The following CTIF variants were observed in gnomAD, a reference collection of about 807,000 sequenced individuals.
The protein encoded by CTIF is cap binding complex dependent translation initiation factor.
A neutral mutation model predicts 66.0 loss-of-function variants in CTIF; 21 were observed. The observed-to-expected ratio is 0.32, with a 90% CI of 0.23 to 0.46. CTIF has a LOEUF of 0.46. Ranked by LOEUF, CTIF falls within the 20% of genes least tolerant of loss-of-function variation. The probability of loss-of-function intolerance (pLI) is 1.00; values close to 1 mark genes in which losing one functional copy is unlikely to be tolerated. For synonymous variants in CTIF, 345 were observed against 326.4 expected, an observed-to-expected ratio of 1.06 and a Z score of -0.62; for missense variants, 739 against 812.7, an observed-to-expected ratio of 0.91 and a Z score of 1.10.
At chr18:48,650,680 A>G (rs2091139325) in intron 3 of CTIF, among the ~76,000 whole-genome samples, 1 of 152,324 alleles carries the variant, frequency 6.6e-6, no homozygotes, top group African/African-American at 2.4e-5. Flanking sequence ...TGTCAGATTC[A>G]CCAAGGTTGA....
At chr18:48,596,046 C>T (rs936154650) in intron 1 of CTIF, among the ~76,000 whole-genome samples, 5 of 152,128 alleles carry the variant, frequency 3.3e-5, no homozygotes, top group African/African-American at 1.2e-4. Context: ...CTTTGTCATA[C>T]TCTATTTGTT....
At chr18:48,794,760 G>T (rs999474702) in intron 9 of CTIF, among the ~76,000 whole-genome samples, 8 of 152,184 alleles carry the variant, frequency 5.3e-5, no homozygotes, top group African/African-American at 1.9e-4. Flanking sequence ...AACTCTGGAG[G>T]TTTTCCTGAT....
At position 48,743,858 on chromosome 18, in the gene CTIF, A is replaced by G. The variant is rs557586683; in HGVS notation, c.585-14061A>G. ...AGGAATTCTCAAATCCCAAAGAGTC[A>G]AGCAAGATTCAGCTGTGGCAGCCCT... On this transcript the variant is annotated intron_variant, in intron 7 of 11. Coordinates refer to ENST00000256413, the MANE Select transcript of CTIF (RefSeq NM_014772.3). Among the ~76,000 whole-genome samples, 26 of 152,362 alleles carry G rather than the reference A, an allele frequency of 1.7e-4. 1 individual carries two copies. In the South Asian group the frequency reaches 4.3e-3, roughly 25 times the overall value.
rs760789082 is a variant in CTIF, at chr18:48,759,020, G to A, written c.1071+615G>A. On this transcript the variant is annotated intron_variant, in intron 8 of 11. Transcript: ENST00000256413. ...TGCCTACCTGTGCCAGCATGAACCC[G>A]AGAGTGAGGCCTCCTTACTTTTGCT... Among the ~76,000 whole-genome samples the A allele has an allele frequency of 7.9e-5, 12 of 152,138 alleles. No individual in the cohort carries two copies. In the East Asian group the frequency reaches 9.7e-4, roughly 12 times the overall value.
At chr18:48,620,272 C>A (rs1258881035) in intron 2 of CTIF, among the ~76,000 whole-genome samples, 1 of 152,178 alleles carries the variant, frequency 6.6e-6, no homozygotes, top group Non-Finnish European at 1.5e-5. Context: ...GCAATCCAAC[C>A]AGCGTCATGT....
At chr18:48,704,802 C>T (rs938236765) in intron 6 of CTIF, among the ~76,000 whole-genome samples, 12 of 152,218 alleles carry the variant, frequency 7.9e-5, no homozygotes, top group Non-Finnish European at 1.2e-4. Flanking sequence ...TCAGAGGAAC[C>T]AGGGGTTAAG....
intron 1 of CTIF, among the ~76,000 whole-genome samples, chr18:48,540,855 C>T (rs2088596179): frequency 6.6e-6 from 1 of 151,998 alleles, no homozygotes; most frequent in African/African-American, 2.4e-5. Flanking sequence ...CGCGCGCGCG[C>T]GCCCGAGTTA....
intron 2 of CTIF, among the ~76,000 whole-genome samples, chr18:48,630,909 A>G (rs12454391): frequency 3.3e-5 from 5 of 151,558 alleles, no homozygotes; most frequent in Non-Finnish European, 7.4e-5. Context: ...GATCTCCTGA[A>G]CTCGTGATCC....
intron 2 of CTIF, among the ~76,000 whole-genome samples, chr18:48,635,651 T>G (rs2144617278): frequency 6.6e-6 from 1 of 152,216 alleles, no homozygotes; most frequent in South Asian, 2.1e-4. Context: ...ATGCAGGGTG[T>G]AGGTTAAGGT....
chr18:48,631,788 A>G (rs553229112), intron 2 of CTIF, among the ~76,000 whole-genome samples: 26 of 152,176 alleles, frequency 1.7e-4, no homozygotes, highest in South Asian at 1.5e-3. Context: ...TTTCTGTTTG[A>G]TGACCTTTTC....
intron 1 of CTIF, among the ~76,000 whole-genome samples, chr18:48,582,885 G>A (rs1241475585): frequency 2.6e-5 from 4 of 152,196 alleles, no homozygotes; most frequent in Non-Finnish European, 4.4e-5. Flanking sequence ...TGAACCCCCA[G>A]CACATGGCTC....
intron 6 of CTIF, among the ~76,000 whole-genome samples, chr18:48,709,842 G>T (rs972614282): frequency 6.6e-6 from 1 of 152,238 alleles, no homozygotes; most frequent in African/African-American, 2.4e-5. Context: ...GCTGCCTGGA[G>T]CCCGGAATTC....
At chr18:48,625,295 C>A in intron 2 of CTIF, 1 of 793,138 alleles carries the variant, frequency 1.3e-6, no homozygotes, top group Non-Finnish European at 1.5e-6. Context: ...ATATATTTTC[C>A]CCTTATTTAA....
chr18:48,569,939 G>A (rs1204596971), intron 1 of CTIF, among the ~76,000 whole-genome samples: 2 of 152,222 alleles, frequency 1.3e-5, no homozygotes, highest in Non-Finnish European at 2.9e-5. Context: ...TCTAGGGCCA[G>A]TGACATTGGT....
chr18:48,750,741 G>T lies in CTIF; in HGVS notation c.585-7178G>T, dbSNP rs551177532. Among the ~76,000 whole-genome samples the T allele has an allele frequency of 2.2e-3, 337 of 152,332 alleles. 3 individuals are homozygous for T. Among genetic ancestry groups the T allele is most frequent in the African/African-American group, 7.6e-3 (317 of 41,590 alleles). On this transcript the variant is annotated intron_variant, in intron 7 of 11. Coordinates refer to ENST00000256413, the MANE Select transcript of CTIF (RefSeq NM_014772.3). ...GCCCCGGCCTCCCCATTCCCAGCGG[G>T]CCCTGGCTCAGCCCTCCGCCTTTGC...
chr18:48,598,618 G>A (rs2090030606), intron 1 of CTIF, among the ~76,000 whole-genome samples: 1 of 152,204 alleles, frequency 6.6e-6, no homozygotes, highest in African/African-American at 2.4e-5. Flanking sequence ...AGGATCTGCA[G>A]CTCAGAGGGC....
In CTIF at chr18:48,769,673, A is replaced by G. The variant is rs568574120; in HGVS notation, c.1371+7984A>G. On this transcript the variant is annotated intron_variant, in intron 9 of 11. Transcript: ENST00000256413. ...AAGAGCCAATGCCTGACTCCTATCC[A>G]TGTTCTTTGCCCCTGCGGCCAGAGC... is the stretch of plus-strand genomic sequence containing the variant. 2.4e-4 allele frequency among the ~76,000 whole-genome samples: 37 copies of G among 152,284 alleles called. 1 individual carries two copies. The South Asian group carries it at 6.2e-3, about 26-fold the overall frequency.
chr18:48,794,568 T>C (rs2067868658), intron 9 of CTIF, among the ~76,000 whole-genome samples: 1 of 152,138 alleles, frequency 6.6e-6, no homozygotes, highest in Admixed American at 6.5e-5. Context: ...GCCAACTGCC[T>C]GAGGTGGGGG....
At chr18:48,790,644 C>G (rs1184828109) in intron 9 of CTIF, among the ~76,000 whole-genome samples, 1 of 152,226 alleles carries the variant, frequency 6.6e-6, no homozygotes, top group Admixed American at 6.5e-5. Flanking sequence ...GGCCAGGTCT[C>G]TCATGGAGGA....
Sources: allele counts gnomAD v4.1 joint callset (sites outside exome capture counted in the v4.1 genomes callset), GRCh38; gene constraint gnomAD v4.1.1; transcripts MANE v1.5; gene names NCBI Gene and HGNC (gene_info 2026-07-23, HGNC 2026-07-21).